Variants in SRRM4 observed in about 807,000 individuals in gnomAD.
SRRM4 encodes the protein serine/arginine repetitive matrix 4, also known as serine/arginine repetitive matrix protein 4.
Under a neutral mutation model 68.9 loss-of-function variants are expected in SRRM4, and 33 were observed. That is an observed-to-expected ratio of 0.48 (90% CI 0.36 to 0.64). The LOEUF (loss-of-function observed/expected upper bound fraction) is 0.64. SRRM4 is among the 30% of genes least tolerant of loss of function. The pLI is 0.00. For missense variants in SRRM4, 817 were observed against 827.1 expected (o/e 0.99, Z 0.15); for synonymous variants, 318 against 318.8 (o/e 1.00, Z 0.03).
chr12:119,123,991 G>A (rs910573952), intron 6 of SRRM4, among the ~76,000 whole-genome samples: 2 of 152,218 alleles, frequency 1.3e-5, no homozygotes, highest in African/African-American at 4.8e-5. Context: ...AGCCGCAGGT[G>A]AGGATGGGAA....
At chr12:119,051,080 G>A (rs966115258) in intron 1 of SRRM4, among the ~76,000 whole-genome samples, 2 of 152,072 alleles carry the variant, frequency 1.3e-5, no homozygotes, top group South Asian at 2.1e-4. Context: ...GGTGTTTTTG[G>A]TTGTCACAAC....
intron 1 of SRRM4, among the ~76,000 whole-genome samples, chr12:119,029,701 C>T (rs1953574809): frequency 6.6e-6 from 1 of 152,166 alleles, no homozygotes; most frequent in South Asian, 2.1e-4. Flanking sequence ...CACTCTTCTC[C>T]TACACGTTTG....
rs1954488687 is a variant in SRRM4 at position 119,158,579 on chromosome 12, C to G, written c.*1781C>G. The G allele has an allele frequency of 6.6e-6, 1 of 152,366 alleles. No homozygotes were observed. Among genetic ancestry groups the G allele is most frequent in the Non-Finnish European group, 1.5e-5 (1 of 68,130 alleles). 9.4% of individuals were successfully genotyped at this position (152,366 alleles called of 1,614,324 possible). A position where few individuals can be genotyped will look rare whatever the true frequency, so the allele number is the denominator to read the frequency against. ...CCTCTGGCCCAGACCTAAGCCCTGCCCACAAAGACTAATGGATGCCAGTGC... is the reference window on the plus strand; with the variant it reads ...CCTCTGGCCCAGACCTAAGCCCTGCGCACAAAGACTAATGGATGCCAGTGC... On this transcript the variant is annotated 3_prime_UTR_variant, in exon 13 of 13. Coordinates refer to ENST00000267260, the MANE Select transcript of SRRM4 (RefSeq NM_194286.4).
intron 1 of SRRM4, among the ~76,000 whole-genome samples, chr12:119,003,587 A>G (rs778921291): frequency 1.7e-4 from 26 of 152,006 alleles, no homozygotes; most frequent in Non-Finnish European, 3.1e-4. Context: ...TCTGCCAGAT[A>G]GAGATAACTA....
At chr12:118,990,392 A>G (rs1394129054) in intron 1 of SRRM4, among the ~76,000 whole-genome samples, 1 of 152,168 alleles carries the variant, frequency 6.6e-6, no homozygotes, top group Non-Finnish European at 1.5e-5. Context: ...GAATTGCTTA[A>G]TGACTGTTTC....
intron 1 of SRRM4, among the ~76,000 whole-genome samples, chr12:118,988,015 A>G (rs920003653): frequency 6.6e-6 from 1 of 152,214 alleles, no homozygotes; most frequent in African/African-American, 2.4e-5. Context: ...TTAAACATTT[A>G]TAATTTCTTT....
chr12:119,016,623 A>G (rs1341074945), intron 1 of SRRM4, among the ~76,000 whole-genome samples: 1 of 152,198 alleles, frequency 6.6e-6, no homozygotes, highest in African/African-American at 2.4e-5. Flanking sequence ...ACCCTGGGAA[A>G]GGTTAGACCT....
intron 1 of SRRM4, among the ~76,000 whole-genome samples, chr12:119,035,366 G>C (rs1404172699): frequency 6.6e-6 from 1 of 152,126 alleles, no homozygotes; most frequent in Non-Finnish European, 1.5e-5. Context: ...CAATGTGTTT[G>C]AGCATTTGTT....
At chr12:119,059,167 A>G (rs567401387) in intron 1 of SRRM4, among the ~76,000 whole-genome samples, 1 of 152,068 alleles carries the variant, frequency 6.6e-6, no homozygotes, top group East Asian at 1.9e-4. Context: ...GATTCTACCA[A>G]TTAAACATCC....
At chr12:119,053,656 T>C (rs1227014455) in intron 1 of SRRM4, among the ~76,000 whole-genome samples, 1 of 152,226 alleles carries the variant, frequency 6.6e-6, no homozygotes, top group Non-Finnish European at 1.5e-5. Context: ...GCGTATTTTG[T>C]GACTAACATA....
chr12:119,148,723 A>G (rs1954419545), intron 9 of SRRM4, among the ~76,000 whole-genome samples: 1 of 152,246 alleles, frequency 6.6e-6, no homozygotes, highest in African/African-American at 2.4e-5. Flanking sequence ...CTAAAGCCTG[A>G]GAGACATCTA....
chr12:119,026,601 T>G (rs1953549926), intron 1 of SRRM4, among the ~76,000 whole-genome samples: 1 of 150,734 alleles, frequency 6.6e-6, no homozygotes, highest in South Asian at 2.1e-4. Context: ...CCAGCTAGAG[T>G]GCAATGGCGC....
intron 3 of SRRM4, among the ~76,000 whole-genome samples, chr12:119,116,521 A>G (rs1394489614): frequency 3.3e-5 from 5 of 152,112 alleles, no homozygotes; most frequent in African/African-American, 1.2e-4. Flanking sequence ...GTGAGGTGCT[A>G]TGGTGACTGA....
chr12:119,040,364 C>G (rs749783760), intron 1 of SRRM4, among the ~76,000 whole-genome samples: 3 of 152,110 alleles, frequency 2.0e-5, no homozygotes, highest in Admixed American at 2.0e-4. Context: ...ACTCTTCCCC[C>G]CAAGTCCCCA....
intron 1 of SRRM4, among the ~76,000 whole-genome samples, chr12:119,100,817 C>A (rs1286118198): frequency 6.6e-6 from 1 of 152,096 alleles, no homozygotes; most frequent in African/African-American, 2.4e-5. Flanking sequence ...GGAAAGGTAA[C>A]CCCCATAGGA....
intron 1 of SRRM4, among the ~76,000 whole-genome samples, chr12:119,065,432 G>A (rs928668346): frequency 6.6e-6 from 1 of 152,070 alleles, no homozygotes; most frequent in Non-Finnish European, 1.5e-5. Flanking sequence ...GCCCAGAGTA[G>A]GAGTTTAAAA....
intron 10 of SRRM4, 70 bp from the exon 11 acceptor site, chr12:119,153,469 G>C: frequency 9.4e-7 from 1 of 1,064,730 alleles, no homozygotes; most frequent in Non-Finnish European, 1.4e-6. Flanking sequence ...GCTGAATAAA[G>C]CTCAAGCCGT....
chr12:119,144,546 T>C (rs532101198), intron 8 of SRRM4: 2 of 152,316 alleles, frequency 1.3e-5, no homozygotes, highest in African/African-American at 4.8e-5. Flanking sequence ...AAGGAGGAGT[T>C]CTTGCTTGGT....
intron 1 of SRRM4, among the ~76,000 whole-genome samples, chr12:118,988,397 G>A (rs1953296371): frequency 6.6e-6 from 1 of 152,204 alleles, no homozygotes; most frequent in African/African-American, 2.4e-5. Flanking sequence ...GCTAGTGGAG[G>A]GGAGCCGTGG....
Sources: gnomAD v4.1 joint callset for allele counts (sites outside exome capture counted in the v4.1 genomes callset) on GRCh38, gnomAD v4.1.1 for gene constraint, MANE v1.5 for transcripts, NCBI Gene and HGNC (gene_info 2026-07-23, HGNC 2026-07-21) for gene names.